Variants in MBTPS2 observed in about 807,000 individuals in gnomAD.
The protein encoded by MBTPS2 is membrane-bound transcription factor site-2 protease.
MBTPS2 carries 2 observed loss-of-function variants against 35.4 expected under a neutral mutation model. That is an observed-to-expected ratio of 0.06 (90% confidence interval 0.02 to 0.18). The LOEUF (loss-of-function observed/expected upper bound fraction) is 0.18, where lower values mean the gene tolerates loss of function less well. Ranked by LOEUF, MBTPS2 falls within the 10% of genes least tolerant of loss-of-function variation. MBTPS2 has a pLI of 1.00. For missense variants in MBTPS2, 244 were observed against 386.5 expected, an observed-to-expected ratio of 0.63 and a Z score of 3.09; for synonymous variants, 125 against 140.4, an observed-to-expected ratio of 0.89 and a Z score of 0.77.
At chrX:21,848,400 C>G (rs767029224) in intron 3 of MBTPS2, among the ~76,000 whole-genome samples, 1 of 110,563 alleles carries the variant, frequency 9.0e-6, no homozygotes, top group African/African-American at 3.3e-5. Flanking sequence ...GCCTGGGCAA[C>G]AAGAGTGAAA....
At chrX:21,856,356 C>T (rs1445062932) in intron 5 of MBTPS2, 3 of 657,663 alleles carry the variant, frequency 4.6e-6, no homozygotes, top group African/African-American at 4.6e-5. Flanking sequence ...CTCTGCAGCT[C>T]GCGCCTTTCT....
Position 21,867,934 on chromosome X carries a change from T to C in MBTPS2, c.671-533T>C, listed in dbSNP as rs183041163. Among the ~76,000 whole-genome samples the C allele has an allele frequency of 1.2e-4, 13 of 111,858 alleles. No homozygotes were observed. In the East Asian group the frequency reaches 1.7e-3, roughly 15 times the overall value. Reference sequence around the variant, plus strand: ...GATTACAGGCGTGAGCCACCGTGCCTGGCCGACAGTTTTCTTATGGTTTGT... The same window carrying C: ...GATTACAGGCGTGAGCCACCGTGCCCGGCCGACAGTTTTCTTATGGTTTGT... On this transcript the variant is annotated intron_variant, in intron 5 of 10. Transcript: ENST00000379484.
At chrX:21,882,010 A>G (rs1255202117) in intron 10 of MBTPS2, among the ~76,000 whole-genome samples, 2 of 112,397 alleles carry the variant, frequency 1.8e-5, no homozygotes, top group Non-Finnish European at 3.8e-5. Flanking sequence ...CTATAACCTT[A>G]CAGAGGGTAG....
At chrX:21,872,897 T>C (rs758161423) in intron 7 of MBTPS2, 1 of 109,791 alleles carries the variant, frequency 9.1e-6, no homozygotes, top group Non-Finnish European at 1.9e-5. Context: ...GATGGTATTT[T>C]ATATGTTTCT....
chrX:21,883,121 G>T lies in MBTPS2; in HGVS notation c.*466G>T. ...GTATCTCTTGTCCTTTGTCTTGTTT[G>T]AAAAGTATTTTAAAACTTAATGGTG... On this transcript the variant is annotated 3_prime_UTR_variant, in exon 11 of 11. Transcript: ENST00000379484. 1 of 767,810 alleles carries T rather than the reference G, an allele frequency of 1.3e-6. No homozygotes were observed. 63.3% of individuals were successfully genotyped at this position (767,810 alleles called of 1,213,427 possible). A position where few individuals can be genotyped will look rare whatever the true frequency, so the allele number is the denominator to read the frequency against.
chrX:21,848,537 G>A (rs1383894829), intron 3 of MBTPS2, among the ~76,000 whole-genome samples: 4 of 109,087 alleles, frequency 3.7e-5, no homozygotes, highest in African/African-American at 1.3e-4. Flanking sequence ...AAAATTAGCC[G>A]GGCGTGGTGG....
intron 7 of MBTPS2, among the ~76,000 whole-genome samples, chrX:21,876,767 T>G: frequency 9.0e-6 from 1 of 111,252 alleles, no homozygotes; most frequent in Admixed American, 9.6e-5. Context: ...AAAAAACTAT[T>G]TAAAAACAAG....
At chrX:21,874,480 G>A (rs1569328185) in intron 7 of MBTPS2, among the ~76,000 whole-genome samples, 1 of 111,689 alleles carries the variant, frequency 9.0e-6, no homozygotes, top group Non-Finnish European at 1.9e-5. Flanking sequence ...AAATTGTTCA[G>A]TTCATATTAG....
intron 10 of MBTPS2, among the ~76,000 whole-genome samples, chrX:21,881,538 CTTTA>C (rs1169326345): frequency 9.0e-6 from 1 of 111,679 alleles, no homozygotes; most frequent in African/African-American, 3.3e-5. Context: ...TGGAAGAGTT[CTTTA>C]TTTTTGTCGC....
intron 9 of MBTPS2, among the ~76,000 whole-genome samples, chrX:21,879,858 C>T (rs943823606): frequency 9.5e-6 from 1 of 105,155 alleles, no homozygotes; most frequent in Non-Finnish European, 1.9e-5. Flanking sequence ...GTACTTCATT[C>T]TTTTTAAGGC....
chrX:21,847,913 A>G (rs763548844), intron 3 of MBTPS2, among the ~76,000 whole-genome samples: 10 of 112,151 alleles, frequency 8.9e-5, no homozygotes, highest in Non-Finnish European at 1.7e-4. Context: ...CATTATAAAC[A>G]TATCCATTTC....
At chrX:21,858,849 A>T (rs1468658780) in intron 5 of MBTPS2, 1 of 100,328 alleles carries the variant, frequency 1.0e-5, no homozygotes, top group Admixed American at 1.1e-4. Context: ...TGATCGAGCC[A>T]CTGCACTCCA....
In MBTPS2 at chrX:21,883,276, C is replaced by G; in HGVS notation, c.*621C>G. ...TAAATGAACAAAACAGGAAGTAGGG[C>G]CTATGATATCGTGAGACATGTTTTG... is the stretch of plus-strand genomic sequence containing the variant. On this transcript the variant is annotated 3_prime_UTR_variant, in exon 11 of 11. Coordinates refer to ENST00000379484, the MANE Select transcript of MBTPS2 (RefSeq NM_015884.4). 1 of 756,575 alleles carries G rather than the reference C, an allele frequency of 1.3e-6. No homozygotes were observed. Among genetic ancestry groups the G allele is most frequent in the Non-Finnish European group, 1.6e-6 (1 of 640,586 alleles). 62.4% of individuals were successfully genotyped at this position (756,575 alleles called of 1,213,427 possible).
rs1217991514 is a variant in MBTPS2, at chrX:21,885,138, G to T, written c.*2483G>T. The T allele has an allele frequency of 1.3e-6, 1 of 750,926 alleles. No homozygotes were observed. Among genetic ancestry groups the T allele is most frequent in the Non-Finnish European group, 1.6e-6 (1 of 637,649 alleles). 61.9% of individuals were successfully genotyped at this position (750,926 alleles called of 1,213,427 possible). On this transcript the variant is annotated 3_prime_UTR_variant, in exon 11 of 11. Transcript: ENST00000379484. ...TCTTTTCAGCATCTCAGTTTGAAAA[G>T]ACATGCAGTTAAACTTGACCTTTTG...
chrX:21,884,469 AT>A lies in MBTPS2; in HGVS notation c.*1815del. ...CCAAGAAAAAACTTTAATAGAGGAA[AT>A]CTTATTCATTAATTTATTTTTCTGA... On this transcript the variant is annotated 3_prime_UTR_variant, in exon 11 of 11. Coordinates refer to ENST00000379484, the MANE Select transcript of MBTPS2 (RefSeq NM_015884.4). 11 of 739,770 alleles carry A rather than the reference AT, an allele frequency of 1.5e-5. No individual in the cohort carries two copies. The highest frequency in any genetic ancestry group is 1.8e-5 in the Non-Finnish European group (11 of 625,940). The allele number at this position is 739,770 out of a possible 1,213,427, so 61.0% of individuals were successfully genotyped here.
At chrX:21,873,975 GTC>G (rs1168781280) in intron 7 of MBTPS2, among the ~76,000 whole-genome samples, 5 of 77,896 alleles carry the variant, frequency 6.4e-5, no homozygotes, top group South Asian at 5.6e-4. Flanking sequence ...ATATGTGTGT[GTC>G]TGTGTGTGTG....
intron 5 of MBTPS2, among the ~76,000 whole-genome samples, chrX:21,854,090 A>T (rs1001731512): frequency 1.8e-5 from 2 of 111,978 alleles, no homozygotes; most frequent in East Asian, 2.8e-4. Context: ...AACAAAAAAA[A>T]CCTGAAGGTG....
rs2092900703 is a variant in MBTPS2, at chrX:21,839,822, G to A, written c.75+13G>A. On this transcript the variant is annotated intron_variant, in intron 1 of 10. Coordinates refer to ENST00000379484, the MANE Select transcript of MBTPS2 (RefSeq NM_015884.4). ...CTTGGTGCTGAAGGTGAGGGCCTTGGGCCTAAGGTCCAAGCCCGCGGTGCC... is the reference window on the plus strand; with the variant it reads ...CTTGGTGCTGAAGGTGAGGGCCTTGAGCCTAAGGTCCAAGCCCGCGGTGCC... 1 of 1,180,899 alleles carries A rather than the reference G, an allele frequency of 8.5e-7. No individual in the cohort carries two copies. The highest frequency in any genetic ancestry group is 1.1e-6 in the Non-Finnish European group (1 of 878,019).
chrX:21,849,959 G>A (rs1047121275), intron 3 of MBTPS2, among the ~76,000 whole-genome samples: 1 of 105,285 alleles, frequency 9.5e-6, no homozygotes, highest in East Asian at 3.0e-4. Context: ...CCCAGGAGGC[G>A]GAGCTTGCAG....
Sources: allele counts gnomAD v4.1 joint callset (sites outside exome capture counted in the v4.1 genomes callset), GRCh38; gene constraint gnomAD v4.1.1; transcripts MANE v1.5; gene names NCBI Gene and HGNC (gene_info 2026-07-23, HGNC 2026-07-21).